Variants in PLCE1 observed in about 807,000 individuals in gnomAD.
The protein encoded by PLCE1 is 1-phosphatidylinositol 4,5-bisphosphate phosphodiesterase epsilon-1.
A neutral mutation model predicts 242.8 loss-of-function variants in PLCE1; 119 were observed. The observed-to-expected ratio is 0.49, with a 90% CI of 0.42 to 0.57. The LOEUF (loss-of-function observed/expected upper bound fraction) is 0.57. Ranked by LOEUF, PLCE1 falls within the 20% of genes least tolerant of loss-of-function variation. PLCE1 has a pLI of 0.00. For missense variants in PLCE1, 2,441 were observed against 2,788.8 expected, an observed-to-expected ratio of 0.88 and a Z score of 2.81; for synonymous variants, 945 against 1,017.4, an observed-to-expected ratio of 0.93 and a Z score of 1.35.
chr10:94,138,204 C>G, intron 3 of PLCE1: 1 of 347,882 alleles, frequency 2.9e-6, no homozygotes, highest in Middle Eastern at 8.2e-4. Flanking sequence ...AGTCTTGGCC[C>G]TCCTGGACCT....
At chr10:94,052,902 A>C (rs2134819768) in intron 2 of PLCE1, among the ~76,000 whole-genome samples, 1 of 152,306 alleles carries the variant, frequency 6.6e-6, no homozygotes, top group Admixed American at 6.5e-5. Context: ...ACTCCATGAC[A>C]AAATGTTTAT....
At chr10:94,184,630 C>A (rs1332558716) in intron 4 of PLCE1, among the ~76,000 whole-genome samples, 1 of 152,142 alleles carries the variant, frequency 6.6e-6, no homozygotes, top group Admixed American at 6.6e-5. Flanking sequence ...ACGCCCGGCC[C>A]TCCAACCTAA....
At chr10:94,143,676 A>G (rs1299011749) in intron 3 of PLCE1, among the ~76,000 whole-genome samples, 1 of 152,244 alleles carries the variant, frequency 6.6e-6, no homozygotes, top group Non-Finnish European at 1.5e-5. Context: ...TTACAGTTAA[A>G]GTAACAAAAA....
rs771518496 is a variant in PLCE1 at position 94,246,594 on chromosome 10, G to A, written c.3069G>A (p.Leu1023=). The part of the protein sequence containing the change: ...RKFPDQRQQW[L]RKQYVSLYQE... Reference sequence around the variant, plus strand: ...TCCCTGACCAAAGACAGCAGTGGCTGCGGAAACAGTACGTCAGCCTTTATC... The same window carrying A: ...TCCCTGACCAAAGACAGCAGTGGCTACGGAAACAGTACGTCAGCCTTTATC... Residue 1023 remains leucine (L), a synonymous_variant, in exon 8 of 33, where the codon CTG becomes CTA. Transcript: ENST00000371380. 4.3e-5 allele frequency: 70 copies of A among 1,613,998 alleles called. No individual in the cohort carries two copies. Among genetic ancestry groups the A allele is most frequent in the Non-Finnish European group, 5.8e-5 (68 of 1,180,008 alleles).
chr10:94,255,984 CCTCTCTCTCTTT>C (rs2051079788), intron 11 of PLCE1, among the ~76,000 whole-genome samples: 1 of 144,328 alleles, frequency 6.9e-6, no homozygotes, highest in Non-Finnish European at 1.5e-5. Flanking sequence ...TCCCCACGCC[CCTCTCTCTCTTT>C]CTCCCTTTCT....
chr10:94,113,140 G>C (rs1370345617), intron 2 of PLCE1, among the ~76,000 whole-genome samples: 5 of 152,140 alleles, frequency 3.3e-5, no homozygotes, highest in African/African-American at 4.8e-5. Context: ...AAATGGGTAT[G>C]AGACTTAACT....
chr10:94,295,487 G>T (rs893242013), intron 23 of PLCE1, among the ~76,000 whole-genome samples: 1 of 152,094 alleles, frequency 6.6e-6, no homozygotes, highest in Non-Finnish European at 1.5e-5. Flanking sequence ...CACCATATCT[G>T]CAGTTACTCC....
chr10:94,044,395 A>G (rs570910360), intron 2 of PLCE1, among the ~76,000 whole-genome samples: 79 of 152,332 alleles, frequency 5.2e-4, no homozygotes, highest in Non-Finnish European at 8.4e-4. Context: ...GTTTGGGTCC[A>G]TATTGACATG....
chr10:94,321,384 G>A (rs1053172186), intron 29 of PLCE1, among the ~76,000 whole-genome samples: 5 of 152,162 alleles, frequency 3.3e-5, no homozygotes, highest in Non-Finnish European at 5.9e-5. Flanking sequence ...CTGTAACCCT[G>A]GTACTTTGGG....
intron 4 of PLCE1, among the ~76,000 whole-genome samples, chr10:94,174,734 CA>C (rs1283070260): frequency 6.6e-6 from 1 of 152,108 alleles, no homozygotes; most frequent in Non-Finnish European, 1.5e-5. Context: ...TTCTACTCTT[CA>C]AAAGCATCAA....
At position 94,031,986 on chromosome 10, in the gene PLCE1, G is replaced by A. The variant is rs201003341; in HGVS notation, c.940G>A (p.Ala314Thr). The A allele has an allele frequency of 5.2e-5, 84 of 1,613,748 alleles. No individual in the cohort carries two copies. The African/African-American group carries it at 5.9e-4, about 11-fold the overall frequency. ...TAATTGTGATGATGTAGAAGAAGAC[G>A]CTTTTAAAAGCAAAAAGGAGCGATC... Reference protein sequence around the residue: ...PDNCDDVEEDAFKSKKERSTL... With the variant: ...PDNCDDVEEDTFKSKKERSTL... Residue 314 changes from alanine to threonine, a missense_variant, in exon 2 of 33, where the codon GCT (alanine) becomes ACT (threonine). By Grantham distance (58) the Ala-to-Thr change is moderately conservative (BLOSUM62 0). Around this residue, in one of 5 missense-constraint regions of PLCE1, gnomAD observed 393 missense variants for 378.5 expected, o/e 1.04. Coordinates refer to ENST00000371380, the MANE Select transcript of PLCE1 (RefSeq NM_016341.4).
Position 94,331,299 on chromosome 10 carries a change from T to C in PLCE1, c.*3356T>C, listed in dbSNP as rs1416803304. ...TAATGAAAGTGGGCCCTCTATGATA[T>C]GTATCAATTTACCTTTTGCTAACTA... On this transcript the variant is annotated 3_prime_UTR_variant, in exon 33 of 33. Coordinates refer to ENST00000371380, the MANE Select transcript of PLCE1 (RefSeq NM_016341.4). 6 of 152,340 alleles carry C rather than the reference T, an allele frequency of 3.9e-5. No individual in the cohort carries two copies. The highest frequency in any genetic ancestry group is 1.9e-4 in the East Asian group (1 of 5,186). The allele number at this position is 152,340 out of a possible 1,614,324, so 9.4% of individuals were successfully genotyped here. A position where few individuals can be genotyped will look rare whatever the true frequency, so the allele number is the denominator to read the frequency against.
intron 3 of PLCE1, among the ~76,000 whole-genome samples, chr10:94,168,280 G>A (rs2047870896): frequency 6.6e-6 from 1 of 152,212 alleles, no homozygotes; most frequent in South Asian, 2.1e-4. Context: ...GCTCAGCAAG[G>A]ATGAGGGAAA....
Position 94,030,946 on chromosome 10 carries a change from A to G in PLCE1, c.-101A>G, listed in dbSNP as rs943904629. The stretch of plus-strand genomic sequence containing the variant: ...CTTTGTTCTTTGGGAGGACTTGTGT[A>G]TCTGAGATTGTTGTAATAATCAGTC... On this transcript the variant is annotated 5_prime_UTR_variant, in exon 2 of 33. Coordinates refer to ENST00000371380, the MANE Select transcript of PLCE1 (RefSeq NM_016341.4). 8.7e-6 allele frequency: 10 copies of G among 1,145,034 alleles called. No homozygotes were observed. The highest frequency in any genetic ancestry group is 1.7e-5 in the Admixed American group (1 of 59,116). The allele number at this position is 1,145,034 out of a possible 1,614,324, so 70.9% of individuals were successfully genotyped here.
At chr10:94,233,347 G>A (rs936484809) in intron 5 of PLCE1, among the ~76,000 whole-genome samples, 1 of 152,162 alleles carries the variant, frequency 6.6e-6, no homozygotes, top group Non-Finnish European at 1.5e-5. Flanking sequence ...ATCACTAAGG[G>A]ACTGGATTGA....
rs773920088 is a variant in PLCE1 at position 94,031,100 on chromosome 10, A to C, written c.54A>C (p.Lys18Asn). Residue 18 changes from lysine (K) to asparagine (N), a missense_variant, in exon 2 of 33, where the codon AAA becomes AAC. Lys to Asn is a moderately conservative substitution (Grantham distance 94, BLOSUM62 0). Coordinates refer to ENST00000371380, the MANE Select transcript of PLCE1 (RefSeq NM_016341.4). ...TTCTCATACCTGTGACTCAGAGAAAAGTGGTTTCTGCCCAGTCGGCTGCAG... is the reference window on the plus strand; with the variant it reads ...TTCTCATACCTGTGACTCAGAGAAACGTGGTTTCTGCCCAGTCGGCTGCAG... ...ASVLIPVTQR[K>N]VVSAQSAADE... The C allele has an allele frequency of 1.9e-6, 3 of 1,613,800 alleles. No individual in the cohort carries two copies. The South Asian group carries it at 3.3e-5, about 18-fold the overall frequency.
chr10:94,003,949 C>T (rs549539506), intron 1 of PLCE1, among the ~76,000 whole-genome samples: 3 of 152,068 alleles, frequency 2.0e-5, no homozygotes, highest in Non-Finnish European at 4.4e-5. Context: ...AGTTCGAGAC[C>T]AGCCTGGCCA....
chr10:94,067,846 G>A (rs1589952261), intron 2 of PLCE1, among the ~76,000 whole-genome samples: 1 of 152,208 alleles, frequency 6.6e-6, no homozygotes, highest in African/African-American at 2.4e-5. Context: ...GACTGGTACA[G>A]TGTTTACAGG....
At chr10:94,277,399 G>A (rs1193929017) in intron 19 of PLCE1, among the ~76,000 whole-genome samples, 1 of 152,110 alleles carries the variant, frequency 6.6e-6, no homozygotes, top group East Asian at 1.9e-4. Context: ...AGGGGCTGAG[G>A]TCCCATTTTT....
Sources: gnomAD v4.1 joint callset for allele counts (sites outside exome capture counted in the v4.1 genomes callset) on GRCh38, gnomAD v4.1.1 for gene constraint, gnomAD v4.1.1 regional missense constraint, MANE v1.5 for transcripts, NCBI Gene and HGNC (gene_info 2026-07-23, HGNC 2026-07-21) for gene names.